FRS2: variants seen among roughly 807,000 people sequenced by gnomAD.
The protein encoded by FRS2 is FGFR signalling adaptor.
In FRS2, 8 loss-of-function variants were observed where a neutral mutation model predicts 43.9. The ratio of observed to expected loss-of-function variants is 0.18; its 90% confidence interval spans 0.11 to 0.33. FRS2 has a LOEUF of 0.33. Among genes scored for constraint, FRS2 ranks in the 10% least tolerant of loss-of-function variants. The pLI is 1.00. For synonymous variants in FRS2, 219 were observed against 220.3 expected, an observed-to-expected ratio of 0.99 and a Z score of 0.05; for missense variants, 534 against 627.6, an observed-to-expected ratio of 0.85 and a Z score of 1.59.
chr12:69,519,066 G>A (rs1032144568), intron 1 of FRS2, among the ~76,000 whole-genome samples: 68 of 151,752 alleles, frequency 4.5e-4, no homozygotes, highest in African/African-American at 1.4e-3. Context: ...GGATTATTGC[G>A]TAGAAAATAA....
Position 69,576,566 on chromosome 12 carries a change from T to C in FRS2, c.*1611T>C, listed in dbSNP as rs1346110286. On this transcript the variant is annotated 3_prime_UTR_variant, in exon 9 of 9. Coordinates refer to ENST00000549921, the MANE Select transcript of FRS2 (RefSeq NM_001278356.2). Reference sequence around the variant, plus strand: ...GATTATGATCTGGATCTACCAGATATAACTAAGGTTAATTTAGCATGAAAA... The same window carrying C: ...GATTATGATCTGGATCTACCAGATACAACTAAGGTTAATTTAGCATGAAAA... 2.0e-5 allele frequency: 3 copies of C among 152,332 alleles called. No individual in the cohort carries two copies. In the South Asian group the frequency reaches 6.2e-4, roughly 32 times the overall value. The allele number at this position is 152,332 out of a possible 1,614,324, so 9.4% of individuals were successfully genotyped here. A position where few individuals can be genotyped will look rare whatever the true frequency, so the allele number is the denominator to read the frequency against.
In FRS2 at chr12:69,559,571, A is replaced by AT. The variant is rs1159083651; in HGVS notation, c.-121-2605dup. Among the ~76,000 whole-genome samples, 10 of 152,258 alleles carry AT rather than the reference A, an allele frequency of 6.6e-5. No individual in the cohort carries two copies. The East Asian group carries it at 1.3e-3, about 21-fold the overall frequency. On this transcript the variant is annotated intron_variant, in intron 3 of 8. Transcript: ENST00000549921. ...TTTTGTGTATAGGTGTGTGCTTTAA[A>AT]TTTTCACCTAACAAGGGAACTGTTG... is the stretch of plus-strand genomic sequence containing the variant.
chr12:69,565,755 C>A (rs1237899993), intron 4 of FRS2, among the ~76,000 whole-genome samples: 1 of 152,186 alleles, frequency 6.6e-6, no homozygotes, highest in South Asian at 2.1e-4. Flanking sequence ...GAGCTGTCAT[C>A]TAGGAAAACT....
At chr12:69,506,679 C>T (rs547616588) in intron 1 of FRS2, among the ~76,000 whole-genome samples, 1 of 152,176 alleles carries the variant, frequency 6.6e-6, no homozygotes, top group Non-Finnish European at 1.5e-5. Context: ...TCTAAATTTA[C>T]AATTTCGTAG....
At chr12:69,554,370 G>A (rs964113356) in intron 3 of FRS2, among the ~76,000 whole-genome samples, 1 of 152,110 alleles carries the variant, frequency 6.6e-6, no homozygotes, top group African/African-American at 2.4e-5. Context: ...TTATGTGGAG[G>A]TAGGGGAGAG....
At chr12:69,537,623 T>G (rs926789032) in intron 3 of FRS2, among the ~76,000 whole-genome samples, 5 of 152,148 alleles carry the variant, frequency 3.3e-5, no homozygotes, top group Admixed American at 2.6e-4. Flanking sequence ...CATTTAGTGT[T>G]TTGCAGTTTT....
intron 3 of FRS2, among the ~76,000 whole-genome samples, chr12:69,554,853 C>T (rs1053194783): frequency 8.8e-5 from 13 of 147,212 alleles, no homozygotes; most frequent in East Asian, 2.1e-4. Context: ...TACAGGCATT[C>T]GCCACCACGC....
intron 1 of FRS2, among the ~76,000 whole-genome samples, chr12:69,529,302 A>G (rs1396161922): frequency 2.0e-5 from 3 of 152,152 alleles, no homozygotes; most frequent in African/African-American, 7.2e-5. Flanking sequence ...CCTAGGATGA[A>G]CACTACATGG....
intron 1 of FRS2, among the ~76,000 whole-genome samples, chr12:69,513,780 G>A (rs1874701784): frequency 6.6e-6 from 1 of 152,058 alleles, no homozygotes; most frequent in African/African-American, 2.4e-5. Flanking sequence ...AAAATTGTTG[G>A]GAATACATAG....
At chr12:69,538,809 A>G (rs903380994) in intron 3 of FRS2, among the ~76,000 whole-genome samples, 1 of 152,200 alleles carries the variant, frequency 6.6e-6, no homozygotes, top group Non-Finnish European at 1.5e-5. Context: ...ATAAAAAGTG[A>G]TAATACCCTA....
At chr12:69,470,967 C>T (rs1194469489) in intron 1 of FRS2, among the ~76,000 whole-genome samples, 2 of 152,232 alleles carry the variant, frequency 1.3e-5, no homozygotes, top group South Asian at 4.1e-4. Flanking sequence ...CAGTAATTAA[C>T]CCGGGTCCCA....
At chr12:69,536,630 A>T (rs1877344778) in intron 3 of FRS2, among the ~76,000 whole-genome samples, 1 of 147,454 alleles carries the variant, frequency 6.8e-6, no homozygotes. Context: ...CCCAGGCTGG[A>T]GTGCAGTGGC....
At chr12:69,572,360 A>G (rs1195931923) in intron 8 of FRS2, 79 bp downstream of exon 8, 4 of 1,098,104 alleles carry the variant, frequency 3.6e-6, no homozygotes, top group Non-Finnish European at 5.3e-6. Flanking sequence ...GGAAGATTTT[A>G]TTCAGCTTGA....
chr12:69,512,988 T>A (rs989617043), intron 1 of FRS2, among the ~76,000 whole-genome samples: 7 of 152,162 alleles, frequency 4.6e-5, no homozygotes, highest in African/African-American at 1.7e-4. Context: ...CTTAATGACA[T>A]CATTCAGCTA....
At chr12:69,508,406 A>G (rs10878999) in intron 1 of FRS2, among the ~76,000 whole-genome samples, 12,717 of 152,242 alleles carry the variant, frequency 0.084, 1,087 homozygotes, top group East Asian at 0.37. Context: ...TCTCTAGTGA[A>G]TGACATACCA....
intron 3 of FRS2, among the ~76,000 whole-genome samples, chr12:69,536,280 A>G (rs114201828): frequency 0.018 from 2,694 of 151,754 alleles, 85 homozygotes; most frequent in African/African-American, 0.06. Flanking sequence ...GTGCACCACC[A>G]TGCCTGGCTA....
At chr12:69,561,994 G>T (rs2057326756) in intron 3 of FRS2, among the ~76,000 whole-genome samples, 186 bp from the exon 4 acceptor site, 1 of 152,154 alleles carries the variant, frequency 6.6e-6, no homozygotes, top group South Asian at 2.1e-4. Flanking sequence ...GAAAAAGAAT[G>T]ATAACATGTG....
intron 1 of FRS2, among the ~76,000 whole-genome samples, chr12:69,512,433 T>A (rs560729395): frequency 1.3e-5 from 2 of 152,330 alleles, no homozygotes; most frequent in East Asian, 3.9e-4. Flanking sequence ...CTGGATCTTG[T>A]ATGAACTTTT....
chr12:69,569,109 G>A lies in FRS2; in HGVS notation c.66+13G>A. On this transcript the variant is annotated intron_variant, in intron 5 of 8. Coordinates refer to ENST00000549921, the MANE Select transcript of FRS2 (RefSeq NM_001278356.2). ...GAACAAGTTTAAGGTCAGTAAAACT[G>A]GTTGAGTTATATATCTTACTGCCTA... 1 of 1,539,998 alleles carries A rather than the reference G, an allele frequency of 6.5e-7. No homozygotes were observed. Among genetic ancestry groups the A allele is most frequent in the Non-Finnish European group, 9.0e-7 (1 of 1,114,788 alleles).
Sources: gnomAD v4.1 joint callset for allele counts (sites outside exome capture counted in the v4.1 genomes callset) on GRCh38, gnomAD v4.1.1 for gene constraint, MANE v1.5 for transcripts, NCBI Gene and HGNC (gene_info 2026-07-23, HGNC 2026-07-21) for gene names.